MTUS2: variants seen among roughly 807,000 people sequenced by gnomAD.
MTUS2 encodes the protein microtubule associated scaffold protein 2.
MTUS2 carries 40 observed loss-of-function variants against 114.1 expected under a neutral mutation model. That is an observed-to-expected ratio of 0.35 (90% CI 0.27 to 0.46). The LOEUF (loss-of-function observed/expected upper bound fraction) is 0.46, where lower values mean the gene tolerates loss of function less well. Ranked by LOEUF, MTUS2 falls within the 20% of genes least tolerant of loss-of-function variation. MTUS2 has a pLI of 1.00. For synonymous variants in MTUS2, 688 were observed against 672.0 expected (o/e 1.02, Z -0.37); for missense variants, 1,679 against 1,705.4 (o/e 0.98, Z 0.27).
chr13:29,041,517 T>A (rs1274452485), intron 4 of MTUS2, among the ~76,000 whole-genome samples: 3 of 152,210 alleles, frequency 2.0e-5, no homozygotes, highest in Non-Finnish European at 4.4e-5. Context: ...GCCTTGAATT[T>A]GTAGATTGCT....
intron 8 of MTUS2, among the ~76,000 whole-genome samples, chr13:29,401,482 A>T (rs1874339895): frequency 3.9e-5 from 6 of 152,112 alleles, no homozygotes; most frequent in Admixed American, 3.3e-4. Flanking sequence ...ATACAGCAAA[A>T]GTTTTCGTTT....
At chr13:29,328,563 G>C (rs1215775993) in intron 7 of MTUS2, among the ~76,000 whole-genome samples, 1 of 152,184 alleles carries the variant, frequency 6.6e-6, no homozygotes, top group Non-Finnish European at 1.5e-5. Context: ...TTAAGCTAAG[G>C]GGGTTGTGGA....
chr13:29,184,046 C>T (rs1894118121), intron 5 of MTUS2, among the ~76,000 whole-genome samples: 1 of 152,310 alleles, frequency 6.6e-6, no homozygotes, highest in East Asian at 1.9e-4. Flanking sequence ...GCCATCAAGC[C>T]ATGTTACGTT....
chr13:29,503,301 C>A lies in MTUS2; in HGVS notation c.*95C>A. 1.4e-6 allele frequency: 2 copies of A among 1,405,000 alleles called. No homozygotes were observed. The highest frequency in any genetic ancestry group is 2.0e-6 in the Non-Finnish European group (2 of 1,017,128). The allele number at this position is 1,405,000 out of a possible 1,614,324, so 87.0% of individuals were successfully genotyped here. On this transcript the variant is annotated 3_prime_UTR_variant, in exon 16 of 16. Transcript: ENST00000612955. Reference sequence around the variant, plus strand: ...CGGTGCCGCCGGAGCTGGCCCTGTGCGCATGCTCAGTAGCTGCGAATGCAT... The same window carrying A: ...CGGTGCCGCCGGAGCTGGCCCTGTGAGCATGCTCAGTAGCTGCGAATGCAT...
chr13:29,323,450 C>A (rs993266299), intron 6 of MTUS2, among the ~76,000 whole-genome samples: 100 of 152,218 alleles, frequency 6.6e-4, no homozygotes, highest in African/African-American at 2.3e-3. Context: ...CGGGGTTTCA[C>A]CGTGTTAGCC....
At chr13:29,389,488 T>C in intron 8 of MTUS2, among the ~76,000 whole-genome samples, 1 of 121,716 alleles carries the variant, frequency 8.2e-6, no homozygotes, top group Non-Finnish European at 1.8e-5. Flanking sequence ...CACGTGTGTG[T>C]ATGTGTATAT....
intron 6 of MTUS2, among the ~76,000 whole-genome samples, chr13:29,287,606 CCTT>C (rs1396879282): frequency 6.6e-6 from 1 of 152,096 alleles, no homozygotes; most frequent in Non-Finnish European, 1.5e-5. Context: ...CTTGCTTGTC[CCTT>C]CTTATGATGA....
chr13:29,384,883 C>T (rs534005228), intron 8 of MTUS2, among the ~76,000 whole-genome samples: 161 of 152,370 alleles, frequency 1.1e-3, no homozygotes, highest in Non-Finnish European at 1.9e-3. Context: ...AGCTCCTGTT[C>T]AAGCCATGCT....
At chr13:28,993,812 G>T (rs1328979541) in intron 2 of MTUS2, among the ~76,000 whole-genome samples, 1 of 151,140 alleles carries the variant, frequency 6.6e-6, no homozygotes, top group African/African-American at 2.4e-5. Flanking sequence ...TTGCTTGGTT[G>T]ATTTTCTTTG....
At chr13:28,897,413 G>A (rs969347487) in intron 2 of MTUS2, among the ~76,000 whole-genome samples, 2 of 152,218 alleles carry the variant, frequency 1.3e-5, no homozygotes, top group African/African-American at 4.8e-5. Flanking sequence ...GTGCTGGAGA[G>A]GATGTGGAGA....
intron 9 of MTUS2, among the ~76,000 whole-genome samples, chr13:29,478,587 T>G (rs1435358071): frequency 6.6e-6 from 1 of 152,140 alleles, no homozygotes; most frequent in African/African-American, 2.4e-5. Context: ...TCAATATTGT[T>G]TAGAATTATT....
chr13:29,475,161 G>T (rs535028991), intron 9 of MTUS2, among the ~76,000 whole-genome samples: 6 of 152,256 alleles, frequency 3.9e-5, no homozygotes, highest in African/African-American at 1.4e-4. Context: ...GTACAAAGGT[G>T]GTCCCACAAG....
At chr13:29,363,786 G>T (rs369274180) in intron 8 of MTUS2, among the ~76,000 whole-genome samples, 6 of 152,250 alleles carry the variant, frequency 3.9e-5, no homozygotes, top group African/African-American at 1.2e-4. Context: ...GGGGTGGGTA[G>T]GTAGGGAGGA....
At chr13:28,875,878 ATTTAT>A (rs1370466976) in intron 2 of MTUS2, among the ~76,000 whole-genome samples, 2 of 152,158 alleles carry the variant, frequency 1.3e-5, no homozygotes, top group Non-Finnish European at 2.9e-5. Context: ...TTTATTCATG[ATTTAT>A]TTTGTCTATT....
At chr13:29,254,670 C>T (rs967690635) in intron 5 of MTUS2, among the ~76,000 whole-genome samples, 1 of 152,206 alleles carries the variant, frequency 6.6e-6, no homozygotes, top group Non-Finnish European at 1.5e-5. Flanking sequence ...AAAGTAAGCT[C>T]CTCTCCCATC....
chr13:29,118,799 C>T (rs1392610965), intron 5 of MTUS2, among the ~76,000 whole-genome samples: 1 of 152,182 alleles, frequency 6.6e-6, no homozygotes, highest in Non-Finnish European at 1.5e-5. Flanking sequence ...CATCTTGACA[C>T]TGACTTGTGC....
In MTUS2 at chr13:29,047,846, C is replaced by T. The variant is rs561835239; in HGVS notation, c.2446+13721C>T. ...TTTCAAAGTGTACATTTCAGTGATC[C>T]CTGGCAACCACTAGTCTTTTTTTGT... On this transcript the variant is annotated intron_variant, in intron 4 of 15. Coordinates refer to ENST00000612955, the MANE Select transcript of MTUS2 (RefSeq NM_001033602.4). Among the ~76,000 whole-genome samples the T allele has an allele frequency of 3.9e-5, 6 of 152,260 alleles. No individual in the cohort carries two copies. The East Asian group carries it at 1.2e-3, about 29-fold the overall frequency.
intron 2 of MTUS2, among the ~76,000 whole-genome samples, chr13:28,943,547 T>A (rs189935603): frequency 5.7e-4 from 87 of 152,260 alleles, no homozygotes; most frequent in Non-Finnish European, 1.1e-3. Flanking sequence ...GCAGCAACTG[T>A]TTCTGGACAT....
At chr13:28,973,907 G>A (rs1883969134) in intron 2 of MTUS2, among the ~76,000 whole-genome samples, 1 of 152,216 alleles carries the variant, frequency 6.6e-6, no homozygotes, top group South Asian at 2.1e-4. Context: ...GGTATGTGAT[G>A]TGTTGCACTT....
Sources: allele counts gnomAD v4.1 joint callset (sites outside exome capture counted in the v4.1 genomes callset), GRCh38; gene constraint gnomAD v4.1.1; transcripts MANE v1.5; gene names NCBI Gene and HGNC (gene_info 2026-07-23, HGNC 2026-07-21).